NRAP: variants seen among roughly 807,000 people sequenced by gnomAD.
NRAP encodes the protein nebulin-related-anchoring protein.
NRAP carries 189 observed loss-of-function variants against 225.9 expected under a neutral mutation model. The ratio of observed to expected loss-of-function variants is 0.84; its 90% CI spans 0.74 to 0.94. The LOEUF (loss-of-function observed/expected upper bound fraction) is 0.94. Among genes scored for constraint, NRAP ranks in the 40% least tolerant of loss-of-function variants. NRAP has a pLI of 0.00. For synonymous variants in NRAP, 769 were observed against 790.7 expected, an observed-to-expected ratio of 0.97 and a Z score of 0.46; for missense variants, 2,176 against 2,168.7, an observed-to-expected ratio of 1.00 and a Z score of -0.07.
intron 23 of NRAP, 73 bp from the exon 24 acceptor site, chr10:113,622,253 T>C (rs1848042383): frequency 9.7e-7 from 1 of 1,027,636 alleles, no homozygotes; most frequent in Non-Finnish European, 1.5e-6. Context: ...ACTCCATGCA[T>C]GGGAGCTGAA....
chr10:113,615,747 G>A lies in NRAP; in HGVS notation c.3043C>T (p.Leu1015=). 6.2e-7 allele frequency: 1 copy of A among 1,611,464 alleles called. No homozygotes were observed. The highest frequency in any genetic ancestry group is 1.1e-5 in the South Asian group (1 of 91,016). The change falls in exon 27 of 42, where the codon CTG becomes TTG. Residue 1015 remains leucine (L), a synonymous_variant. Coordinates refer to ENST00000359988, the MANE Select transcript of NRAP (RefSeq NM_198060.4). Reference sequence around the variant, plus strand: ...TTCATGGCATTCAGCTTGGCCAGCAGGACTTCAGGGAGGTCAGCAGTCGGT... The same window carrying A: ...TTCATGGCATTCAGCTTGGCCAGCAAGACTTCAGGGAGGTCAGCAGTCGGT... ...YTPTADLPEV[L]LAKLNAMNIS...
chr10:113,598,501 T>C (rs532418391), intron 35 of NRAP, among the ~76,000 whole-genome samples: 7 of 152,112 alleles, frequency 4.6e-5, no homozygotes, highest in African/African-American at 1.4e-4. Context: ...CAACCTGCTA[T>C]GACTGGGAGC....
At chr10:113,621,239 C>A (rs1206805988) in intron 24 of NRAP, among the ~76,000 whole-genome samples, 1 of 152,038 alleles carries the variant, frequency 6.6e-6, no homozygotes, top group African/African-American at 2.4e-5. Context: ...AATGGAAAGT[C>A]ATTTAAATGG....
chr10:113,622,242 G>T, intron 23 of NRAP, 62 bp from the exon 24 acceptor site: 1 of 1,133,864 alleles, frequency 8.8e-7, no homozygotes, highest in Non-Finnish European at 1.3e-6. Flanking sequence ...TTAGGCTTCA[G>T]ACTCCATGCA....
chr10:113,635,712 G>A (rs1025939505), intron 14 of NRAP, among the ~76,000 whole-genome samples: 7 of 152,202 alleles, frequency 4.6e-5, no homozygotes, highest in African/African-American at 1.4e-4. Context: ...ACAGGCGTGA[G>A]CCACCACACC....
At chr10:113,601,028 C>T (rs766549418) in intron 35 of NRAP, among the ~76,000 whole-genome samples, 4 of 152,138 alleles carry the variant, frequency 2.6e-5, no homozygotes, top group East Asian at 1.9e-4. Flanking sequence ...TGTGCCTTTC[C>T]GGACTCCCAG....
At chr10:113,651,095 C>T (rs1027985418) in intron 7 of NRAP, among the ~76,000 whole-genome samples, 1 of 152,206 alleles carries the variant, frequency 6.6e-6, no homozygotes, top group African/African-American at 2.4e-5. Flanking sequence ...TGAGATACAT[C>T]CAATTTGGTA....
At chr10:113,663,769 G>T (rs1163450266) in intron 1 of NRAP, 42 bp downstream of exon 1, 6 of 1,374,828 alleles carry the variant, frequency 4.4e-6, no homozygotes, top group Non-Finnish European at 4.2e-6. Flanking sequence ...TCAATTTCCT[G>T]TGTTTGTTAT....
At chr10:113,633,285 AG>A in intron 15 of NRAP, 97 bp from the exon 16 acceptor site, 1 of 688,888 alleles carries the variant, frequency 1.5e-6, no homozygotes, top group Non-Finnish European at 2.6e-6. Flanking sequence ...ATAGTTGAGA[AG>A]GAGTTTCCAG....
At chr10:113,615,251 C>G (rs1233121410) in intron 27 of NRAP, among the ~76,000 whole-genome samples, 1 of 152,168 alleles carries the variant, frequency 6.6e-6, no homozygotes, top group Admixed American at 6.5e-5. Context: ...TGGAAGAAGG[C>G]ATGAGATTGC....
At chr10:113,625,940 C>T (rs1278856434) in intron 21 of NRAP, 107 bp downstream of exon 21, 1 of 681,712 alleles carries the variant, frequency 1.5e-6, no homozygotes, top group Non-Finnish European at 2.4e-6. Flanking sequence ...AGAGGGAAGG[C>T]TCTTTGGTTT....
At chr10:113,599,204 C>T (rs966113970) in intron 35 of NRAP, among the ~76,000 whole-genome samples, 1 of 152,222 alleles carries the variant, frequency 6.6e-6, no homozygotes, top group South Asian at 2.1e-4. Context: ...GGATTCACAG[C>T]GTTCCTCACA....
intron 41 of NRAP, chr10:113,589,366 C>T (rs981681258): frequency 3.7e-5 from 21 of 563,618 alleles, no homozygotes; most frequent in South Asian, 9.6e-5. Context: ...GCGAATGTAA[C>T]GAGCAAGCAG....
At chr10:113,635,371 G>A (rs1848810841) in intron 14 of NRAP, among the ~76,000 whole-genome samples, 1 of 152,170 alleles carries the variant, frequency 6.6e-6, no homozygotes, top group Non-Finnish European at 1.5e-5. Flanking sequence ...GTAAAGCTAG[G>A]ATAAAGAAAA....
At chr10:113,590,972 T>C in intron 39 of NRAP, 83 bp from the exon 40 acceptor site, 2 of 1,247,230 alleles carry the variant, frequency 1.6e-6, no homozygotes, top group Non-Finnish European at 2.3e-6. Context: ...TCCCAGGGCA[T>C]TCTCAGCAGG....
rs776059300 is a variant in NRAP at position 113,647,608 on chromosome 10, T to TC, written c.889-582dup. The stretch of plus-strand genomic sequence containing the variant: ...TACTTCCTCCCCTAGTGGTACTGTC[T>TC]CCCCCGGTGGTACTTCCTCCCCTAG... On this transcript the variant is annotated intron_variant, in intron 9 of 41. Coordinates refer to ENST00000359988, the MANE Select transcript of NRAP (RefSeq NM_198060.4). 1.6e-3 allele frequency among the ~76,000 whole-genome samples: 130 copies of TC among 81,478 alleles called. 4 individuals are homozygous for TC. The highest frequency in any genetic ancestry group is 3.8e-3 in the African/African-American group (92 of 24,418). The allele number at this position is 81,478 out of a possible 152,430, so 53.5% of individuals were successfully genotyped here.
chr10:113,652,811 A>G, intron 6 of NRAP, 124 bp downstream of exon 6: 1 of 679,594 alleles, frequency 1.5e-6, no homozygotes, highest in Admixed American at 2.8e-5. Flanking sequence ...TTTTCTCTGT[A>G]ATATGACACT....
At chr10:113,607,426 A>C (rs1847055417) in intron 32 of NRAP, among the ~76,000 whole-genome samples, 1 of 144,530 alleles carries the variant, frequency 6.9e-6, no homozygotes, top group African/African-American at 2.6e-5. Flanking sequence ...AAAAAAAAAA[A>C]AAAAAAAAAA....
At chr10:113,613,426 G>A (rs1222389589) in intron 29 of NRAP, among the ~76,000 whole-genome samples, 2 of 152,192 alleles carry the variant, frequency 1.3e-5, no homozygotes, top group Admixed American at 6.5e-5. Flanking sequence ...ACTTCCCTAT[G>A]AGAAAATAAG....
Sources: allele counts gnomAD v4.1 joint callset (sites outside exome capture counted in the v4.1 genomes callset), GRCh38; gene constraint gnomAD v4.1.1; transcripts MANE v1.5; gene names NCBI Gene and HGNC (gene_info 2026-07-23, HGNC 2026-07-21).